DLGAP1: variants seen among roughly 807,000 people sequenced by gnomAD.
DLGAP1 encodes disks large-associated protein 1.
In DLGAP1, 11 loss-of-function variants were observed where a neutral mutation model predicts 90.8. The observed-to-expected ratio is 0.12, with a 90% CI of 0.08 to 0.20. The LOEUF (loss-of-function observed/expected upper bound fraction) is 0.20, where lower values mean the gene tolerates loss of function less well. DLGAP1 is among the 10% of genes least tolerant of loss of function. DLGAP1 has a pLI of 1.00. For synonymous variants in DLGAP1, 558 were observed against 540.7 expected, an observed-to-expected ratio of 1.03 and a Z score of -0.44; for missense variants, 1,050 against 1,333.8, an observed-to-expected ratio of 0.79 and a Z score of 3.31.
intron 1 of DLGAP1, chr18:4,248,689 C>G (rs898430347): frequency 2.0e-5 from 3 of 152,286 alleles, no homozygotes; most frequent in Non-Finnish European, 4.4e-5. Flanking sequence ...TTAAAAACGA[C>G]CTTCCAATCT....
Position 4,291,329 on chromosome 18 carries a change from G to A in DLGAP1, c.-266-140042C>T, listed in dbSNP as rs562956724. 2.4e-4 allele frequency among the ~76,000 whole-genome samples: 36 copies of A among 152,254 alleles called. No homozygotes were observed. In the East Asian group the frequency reaches 2.9e-3, roughly 12 times the overall value. ...TTTGTCCAGAGAGGGGTAACCCTGC[G>A]TCATCATGGCTCTTCCTGCTTGGTT... On this transcript the variant is annotated intron_variant, in intron 1 of 12. Coordinates refer to ENST00000315677, the MANE Select transcript of DLGAP1 (RefSeq NM_004746.4).
chr18:4,394,409 C>A (rs7244145), intron 1 of DLGAP1, among the ~76,000 whole-genome samples: 1 of 152,010 alleles, frequency 6.6e-6, no homozygotes, highest in Non-Finnish European at 1.5e-5. Flanking sequence ...TATTTCACTG[C>A]CATTTTGAAA....
intron 7 of DLGAP1, among the ~76,000 whole-genome samples, chr18:3,707,318 C>T (rs948069825): frequency 2.0e-5 from 3 of 152,172 alleles, no homozygotes; most frequent in South Asian, 4.1e-4. Context: ...GGACCCTAGA[C>T]GGGGTGCAGT....
chr18:3,990,022 T>C (rs562070261), intron 3 of DLGAP1, among the ~76,000 whole-genome samples: 1 of 152,058 alleles, frequency 6.6e-6, no homozygotes. Context: ...GGAACACTTT[T>C]ACACTGTTGG....
intron 3 of DLGAP1, among the ~76,000 whole-genome samples, chr18:3,909,540 TTTGA>T (rs2071986807): frequency 6.6e-6 from 1 of 152,172 alleles, no homozygotes; most frequent in Non-Finnish European, 1.5e-5. Context: ...TTTTCTTGCT[TTTGA>T]TTTTTTTATT....
intron 4 of DLGAP1, among the ~76,000 whole-genome samples, 199 bp from the exon 5 acceptor site, chr18:3,814,472 C>T (rs1300450178): frequency 6.6e-6 from 1 of 151,002 alleles, no homozygotes; most frequent in Non-Finnish European, 1.5e-5. Flanking sequence ...TGCCGTTCTC[C>T]TGCCTCAGCC....
chr18:4,138,904 A>G (rs1427678550), intron 2 of DLGAP1, among the ~76,000 whole-genome samples: 2 of 152,016 alleles, frequency 1.3e-5, no homozygotes, highest in East Asian at 3.8e-4. Flanking sequence ...CATGTCTTCT[A>G]GGTTTTCCAA....
chr18:4,309,020 T>C (rs936422403), intron 1 of DLGAP1, among the ~76,000 whole-genome samples: 1 of 152,230 alleles, frequency 6.6e-6, no homozygotes, highest in Non-Finnish European at 1.5e-5. Flanking sequence ...ATATATTTGA[T>C]GCAGTATAAA....
At chr18:3,792,963 G>A (rs1437780305) in intron 5 of DLGAP1, among the ~76,000 whole-genome samples, 6 of 152,104 alleles carry the variant, frequency 3.9e-5, no homozygotes, top group Non-Finnish European at 8.8e-5. Flanking sequence ...CTCAGGGACG[G>A]GTTTGCCCAA....
intron 3 of DLGAP1, among the ~76,000 whole-genome samples, chr18:3,929,396 A>C (rs1051876320): frequency 2.0e-5 from 3 of 152,240 alleles, no homozygotes; most frequent in Non-Finnish European, 4.4e-5. Context: ...CCAGAAACAG[A>C]GTTAGGTCAC....
At chr18:4,415,365 A>C (rs1427585000) in intron 1 of DLGAP1, among the ~76,000 whole-genome samples, 2 of 152,204 alleles carry the variant, frequency 1.3e-5, no homozygotes, top group Admixed American at 1.3e-4. Flanking sequence ...TATAAAATAA[A>C]AGCTACAAAA....
At chr18:3,798,467 G>C (rs889028759) in intron 5 of DLGAP1, among the ~76,000 whole-genome samples, 1 of 152,156 alleles carries the variant, frequency 6.6e-6, no homozygotes, top group African/African-American at 2.4e-5. Flanking sequence ...GCTACAGGCA[G>C]CTACAATGTA....
chr18:4,306,386 C>A (rs1331356548), intron 1 of DLGAP1, among the ~76,000 whole-genome samples: 1 of 150,496 alleles, frequency 6.6e-6, no homozygotes, highest in Non-Finnish European at 1.5e-5. Context: ...TTAATATGAT[C>A]ATATCAGAAG....
intron 1 of DLGAP1, among the ~76,000 whole-genome samples, chr18:4,224,213 A>G (rs2078138075): frequency 6.6e-6 from 1 of 152,236 alleles, no homozygotes; most frequent in Admixed American, 6.5e-5. Context: ...ACTGTGGGCA[A>G]CCACACTCTC....
In DLGAP1 at chr18:3,689,310, C is replaced by T. The variant is rs146494475; in HGVS notation, c.1591+39825G>A. On this transcript the variant is annotated intron_variant, in intron 7 of 12. Coordinates refer to ENST00000315677, the MANE Select transcript of DLGAP1 (RefSeq NM_004746.4). ...CAAACCTTTTCATCAGCTAGAGCAA[C>T]AAAGTTAAAAACCTGGCTGCCAAAT... Among the ~76,000 whole-genome samples the T allele has an allele frequency of 7.2e-5, 11 of 152,224 alleles. No individual in the cohort carries two copies. In the East Asian group the frequency reaches 2.1e-3, roughly 29 times the overall value.
At chr18:4,249,958 ACAGT>A in intron 1 of DLGAP1, among the ~76,000 whole-genome samples, 1 of 152,124 alleles carries the variant, frequency 6.6e-6, no homozygotes, top group East Asian at 1.9e-4. Flanking sequence ...TCCACTGTCC[ACAGT>A]TATGTCTGAT....
At chr18:4,029,452 C>T (rs767036965) in intron 2 of DLGAP1, among the ~76,000 whole-genome samples, 14 of 152,036 alleles carry the variant, frequency 9.2e-5, no homozygotes, top group Non-Finnish European at 2.1e-4. Flanking sequence ...ACTAATTTAC[C>T]TTCCCACCAA....
chr18:3,568,807 T>C (rs987473636), intron 8 of DLGAP1, among the ~76,000 whole-genome samples: 5 of 151,590 alleles, frequency 3.3e-5, no homozygotes, highest in African/African-American at 7.3e-5. Flanking sequence ...CTGCCTCAGC[T>C]TCCCAAGTGT....
At chr18:4,148,612 C>T (rs181557714) in intron 2 of DLGAP1, among the ~76,000 whole-genome samples, 10 of 152,244 alleles carry the variant, frequency 6.6e-5, no homozygotes, top group Admixed American at 2.0e-4. Flanking sequence ...CCTCTTCATC[C>T]CTAGTTTGAT....
Sources: gnomAD v4.1 joint callset for allele counts (sites outside exome capture counted in the v4.1 genomes callset) on GRCh38, gnomAD v4.1.1 for gene constraint, MANE v1.5 for transcripts, NCBI Gene and HGNC (gene_info 2026-07-23, HGNC 2026-07-21) for gene names.